NR3C1: variants seen among roughly 807,000 people sequenced by gnomAD.
NR3C1 encodes glucocorticoid receptor.
In NR3C1, 14 loss-of-function variants were observed where a neutral mutation model predicts 74.0. That is an observed-to-expected ratio of 0.19 (90% CI 0.12 to 0.30). The LOEUF is 0.30. Among genes scored for constraint, NR3C1 ranks in the 10% least tolerant of loss-of-function variants. The pLI is 1.00. For missense variants in NR3C1, 695 were observed against 909.8 expected (o/e 0.76, Z 3.04); for synonymous variants, 308 against 332.5 (o/e 0.93, Z 0.80).
chr5:143,424,438 C>T (rs1751427214), intron 1 of NR3C1, among the ~76,000 whole-genome samples: 1 of 152,028 alleles, frequency 6.6e-6, no homozygotes, highest in Non-Finnish European at 1.5e-5. Flanking sequence ...CTGATTTGAT[C>T]ATTATATGGT....
At chr5:143,321,778 G>C (rs1341754567) in intron 2 of NR3C1, among the ~76,000 whole-genome samples, 5 of 152,158 alleles carry the variant, frequency 3.3e-5, no homozygotes, top group Non-Finnish European at 7.4e-5. Flanking sequence ...TTCCCTGCCT[G>C]AAGTGTCCAC....
chr5:143,323,572 C>T (rs998191264), intron 2 of NR3C1, among the ~76,000 whole-genome samples: 22 of 152,244 alleles, frequency 1.4e-4, no homozygotes, highest in African/African-American at 5.1e-4. Context: ...TCATTCCACC[C>T]CTGGCCCCTC....
chr5:143,351,132 CCTTCGTATGT>C (rs1830154684), intron 2 of NR3C1, among the ~76,000 whole-genome samples: 1 of 152,164 alleles, frequency 6.6e-6, no homozygotes, highest in South Asian at 2.1e-4. Flanking sequence ...CATATAACTG[CCTTCGTATGT>C]AGTCTCTCTT....
intron 2 of NR3C1, among the ~76,000 whole-genome samples, chr5:143,330,788 G>GA (rs1825787719): frequency 1.3e-5 from 2 of 152,152 alleles, no homozygotes; most frequent in South Asian, 4.2e-4. Flanking sequence ...AATCATCCCT[G>GA]AAAAAACTTC....
intron 1 of NR3C1, among the ~76,000 whole-genome samples, chr5:143,415,519 T>C (rs1841448990): frequency 6.6e-6 from 1 of 152,204 alleles, no homozygotes. Context: ...TGCATGCATA[T>C]ATGTTTTTTA....
chr5:143,333,069 G>A, intron 2 of NR3C1: 1 of 1,594,740 alleles, frequency 6.3e-7, no homozygotes, highest in Non-Finnish European at 8.5e-7. Flanking sequence ...CCTCATTCAT[G>A]AAATTGCCTT....
chr5:143,369,948 C>A (rs753166453), intron 2 of NR3C1, among the ~76,000 whole-genome samples: 3 of 152,160 alleles, frequency 2.0e-5, no homozygotes, highest in Non-Finnish European at 4.4e-5. Flanking sequence ...GTTTAAAGTG[C>A]ACCTTGGAGT....
At chr5:143,382,890 G>C (rs765164645) in intron 2 of NR3C1, among the ~76,000 whole-genome samples, 6 of 152,136 alleles carry the variant, frequency 3.9e-5, no homozygotes, top group Admixed American at 3.3e-4. Context: ...TCCTTTCCTC[G>C]TATATGCAAA....
chr5:143,292,829 C>T (rs1051109120), intron 7 of NR3C1, among the ~76,000 whole-genome samples: 34 of 152,130 alleles, frequency 2.2e-4, no homozygotes, highest in Admixed American at 2.2e-3. Flanking sequence ...CTGATCTTGG[C>T]TGTTTCTCTG....
chr5:143,374,684 G>T (rs894762998), intron 2 of NR3C1, among the ~76,000 whole-genome samples: 1 of 152,018 alleles, frequency 6.6e-6, no homozygotes, highest in African/African-American at 2.4e-5. Context: ...TCAAAGCACA[G>T]TGAGTCAAAA....
At chr5:143,412,983 T>C (rs767102819) in intron 1 of NR3C1, among the ~76,000 whole-genome samples, 79 of 152,236 alleles carry the variant, frequency 5.2e-4, no homozygotes, top group Admixed American at 2.6e-3. Context: ...TAATATTCTC[T>C]CCATTCATTC....
rs993077217 is a variant in NR3C1 at position 143,293,988 on chromosome 5, G to A, written c.2023+1472C>T. ...CTGCTTAATCACTTCTTTAACAAGTGTACCGCTACAGGTAACATTAAACGT... is the reference window on the plus strand; with the variant it reads ...CTGCTTAATCACTTCTTTAACAAGTATACCGCTACAGGTAACATTAAACGT... On this transcript the variant is annotated intron_variant, in intron 7 of 8. Coordinates refer to ENST00000394464, the MANE Select transcript of NR3C1 (RefSeq NM_000176.3). 1.2e-5 allele frequency: 12 copies of A among 984,638 alleles called. No individual in the cohort carries two copies. In the African/African-American group the frequency reaches 1.8e-4, roughly 14 times the overall value. 61.0% of individuals were successfully genotyped at this position (984,638 alleles called of 1,614,324 possible).
intron 2 of NR3C1, among the ~76,000 whole-genome samples, chr5:143,339,415 T>C (rs1475030853): frequency 6.6e-6 from 1 of 152,228 alleles, no homozygotes. Context: ...TGCTGTCTTT[T>C]TGCTCTTATT....
intron 1 of NR3C1, chr5:143,409,236 G>T (rs573078082): frequency 6.6e-6 from 1 of 152,130 alleles, no homozygotes; most frequent in African/African-American, 2.4e-5. Context: ...TCTGTTACAC[G>T]ATTCTGTTAA....
chr5:143,396,914 C>A (rs1839307585), intron 2 of NR3C1, among the ~76,000 whole-genome samples: 1 of 151,758 alleles, frequency 6.6e-6, no homozygotes, highest in Non-Finnish European at 1.5e-5. Context: ...CAGAAATGTG[C>A]CTTCGTCAAT....
At chr5:143,333,153 A>G in intron 2 of NR3C1, 1 of 1,574,740 alleles carries the variant, frequency 6.4e-7, no homozygotes, top group South Asian at 1.1e-5. Context: ...TCATGCTACC[A>G]AAAATAGAGT....
At chr5:143,397,352 A>T (rs1304193623) in intron 2 of NR3C1, among the ~76,000 whole-genome samples, 4 of 151,858 alleles carry the variant, frequency 2.6e-5, no homozygotes, top group Admixed American at 2.6e-4. Context: ...TTATTTGCTG[A>T]TCACTCAGGG....
At chr5:143,353,227 C>T (rs1430582389) in intron 2 of NR3C1, among the ~76,000 whole-genome samples, 2 of 152,206 alleles carry the variant, frequency 1.3e-5, no homozygotes, top group African/African-American at 4.8e-5. Context: ...TTCTAGTTCT[C>T]TTGCTGTTTC....
chr5:143,279,102 C>A lies in NR3C1; in HGVS notation c.*2787G>T. On this transcript the variant is annotated 3_prime_UTR_variant, in exon 9 of 9. Transcript: ENST00000394464. ...CTTCAACAGTTTGGGTTGGGATGGC[C>A]AGATAACACATACATAGGAAATAAA... 2.3e-6 allele frequency: 1 copy of A among 443,106 alleles called. No homozygotes were observed. Among genetic ancestry groups the A allele is most frequent in the Non-Finnish European group, 3.9e-6 (1 of 253,436 alleles). The allele number at this position is 443,106 out of a possible 1,614,324, so 27.4% of individuals were successfully genotyped here.
Sources: gnomAD v4.1 joint callset for allele counts (sites outside exome capture counted in the v4.1 genomes callset) on GRCh38, gnomAD v4.1.1 for gene constraint, MANE v1.5 for transcripts, NCBI Gene and HGNC (gene_info 2026-07-23, HGNC 2026-07-21) for gene names.